CD96: variants seen among roughly 807,000 people sequenced by gnomAD.
CD96 encodes CD96 molecule, also known as T-cell surface protein tactile.
CD96 carries 70 observed loss-of-function variants against 71.3 expected under a neutral mutation model. That is an observed-to-expected ratio of 0.98 (90% CI 0.81 to 1.20). CD96 has a LOEUF of 1.20. Ranked by LOEUF, CD96 falls within the 50% of genes most tolerant of loss-of-function variation. The pLI is 0.00. For missense variants in CD96, 742 were observed against 677.5 expected, an observed-to-expected ratio of 1.10 and a Z score of -1.06; for synonymous variants, 248 against 233.0, an observed-to-expected ratio of 1.06 and a Z score of -0.59.
At chr3:111,576,654 C>A (rs1028360700) in intron 3 of CD96, among the ~76,000 whole-genome samples, 3 of 152,028 alleles carry the variant, frequency 2.0e-5, no homozygotes, top group Non-Finnish European at 2.9e-5. Context: ...AAATTTTTAA[C>A]CTCAATTTAT....
chr3:111,648,363 T>C (rs1021878730), intron 13 of CD96, among the ~76,000 whole-genome samples: 1 of 152,182 alleles, frequency 6.6e-6, no homozygotes, highest in Non-Finnish European at 1.5e-5. Context: ...ACATTAACCA[T>C]TGTGCCATAT....
Position 111,616,124 on chromosome 3 carries a change from C to G in CD96, c.1181-7630C>G, listed in dbSNP as rs538658088. On this transcript the variant is annotated intron_variant, in intron 8 of 13. Transcript: ENST00000352690. ...ATTTTCTCCATAACACATTTTAACA[C>G]CGTCTATAAGTTACCTGTTTGGCTC... is the stretch of plus-strand genomic sequence containing the variant. Among the ~76,000 whole-genome samples, 7 of 152,158 alleles carry G rather than the reference C, an allele frequency of 4.6e-5. 1 individual carries two copies. The South Asian group carries it at 1.5e-3, about 32-fold the overall frequency.
At chr3:111,631,522 A>C (rs867711862) in intron 10 of CD96, among the ~76,000 whole-genome samples, 1 of 152,184 alleles carries the variant, frequency 6.6e-6, no homozygotes, top group Non-Finnish European at 1.5e-5. Flanking sequence ...CATTCCATGC[A>C]CATGGGTAGG....
intron 6 of CD96, among the ~76,000 whole-genome samples, chr3:111,599,158 C>T (rs9817582): frequency 0.11 from 16,962 of 151,768 alleles, 1,315 homozygotes; most frequent in East Asian, 0.28. Flanking sequence ...TTAGATGAGT[C>T]GGGGTTTCAC....
chr3:111,595,685 T>C (rs971190724), intron 5 of CD96, among the ~76,000 whole-genome samples: 4 of 151,452 alleles, frequency 2.6e-5, no homozygotes, highest in Non-Finnish European at 4.4e-5. Flanking sequence ...GCTGAAATAT[T>C]AAATGTATAC....
chr3:111,661,758 G>A (rs139732010), intron 14 of CD96, among the ~76,000 whole-genome samples: 17 of 152,254 alleles, frequency 1.1e-4, no homozygotes, highest in Non-Finnish European at 2.5e-4. Flanking sequence ...ATTCTGCTGA[G>A]TACAGTCCTC....
intron 3 of CD96, chr3:111,570,566 G>T (rs1421742477): frequency 1.5e-5 from 21 of 1,388,184 alleles, no homozygotes; most frequent in Non-Finnish European, 1.3e-5. Context: ...ACATCAGGGG[G>T]CACTAGATCC....
At chr3:111,600,537 T>G (rs1001623095) in intron 6 of CD96, among the ~76,000 whole-genome samples, 189 bp from the exon 7 acceptor site, 2 of 152,198 alleles carry the variant, frequency 1.3e-5, no homozygotes. Flanking sequence ...ATCAATGACA[T>G]GCAGGAGCTT....
At chr3:111,610,847 T>G (rs1279812745) in intron 8 of CD96, among the ~76,000 whole-genome samples, 2 of 152,230 alleles carry the variant, frequency 1.3e-5, no homozygotes, top group African/African-American at 2.4e-5. Flanking sequence ...TGGCTATGAT[T>G]TGGCTAAGAG....
At chr3:111,603,525 T>C (rs547440046) in intron 7 of CD96, among the ~76,000 whole-genome samples, 1 of 152,302 alleles carries the variant, frequency 6.6e-6, no homozygotes, top group East Asian at 1.9e-4. Context: ...TCTGGCAGAT[T>C]TGAAGAGCTG....
chr3:111,642,165 AAAC>A (rs1466794100), intron 12 of CD96, among the ~76,000 whole-genome samples: 1 of 152,242 alleles, frequency 6.6e-6, no homozygotes, highest in Non-Finnish European at 1.5e-5. Flanking sequence ...AATACAATTG[AAAC>A]AACAACAACA....
chr3:111,571,867 T>C (rs547444403), intron 3 of CD96, among the ~76,000 whole-genome samples: 9 of 152,338 alleles, frequency 5.9e-5, no homozygotes, highest in Admixed American at 5.2e-4. Context: ...AGGGTGGTTA[T>C]AGTCTCCCTT....
chr3:111,649,888 C>A lies in CD96; in HGVS notation c.*82C>A. On this transcript the variant is annotated 3_prime_UTR_variant, in exon 14 of 14. Transcript: ENST00000352690. Reference sequence around the variant, plus strand: ...ACATTGTGCTTTATTAATATAGTCGCTCTTCAGCCATGCCTTTGCTGCAGC... The same window carrying A: ...ACATTGTGCTTTATTAATATAGTCGATCTTCAGCCATGCCTTTGCTGCAGC... 1 of 927,160 alleles carries A rather than the reference C, an allele frequency of 1.1e-6. No homozygotes were observed. The highest frequency in any genetic ancestry group is 1.6e-5 in the African/African-American group (1 of 61,996). 57.4% of individuals were successfully genotyped at this position (927,160 alleles called of 1,614,324 possible).
intron 4 of CD96, among the ~76,000 whole-genome samples, chr3:111,584,297 T>G (rs1936603458): frequency 1.3e-5 from 2 of 152,214 alleles, no homozygotes; most frequent in South Asian, 4.1e-4. Flanking sequence ...CCATCAGCAT[T>G]TTTGTCAAAG....
intron 4 of CD96, among the ~76,000 whole-genome samples, chr3:111,584,740 C>G (rs901470548): frequency 6.6e-6 from 1 of 152,174 alleles, no homozygotes; most frequent in Non-Finnish European, 1.5e-5. Flanking sequence ...AATTACCTCT[C>G]GCTGGGTCTC....
intron 8 of CD96, among the ~76,000 whole-genome samples, chr3:111,621,720 G>C (rs1347228741): frequency 1.3e-5 from 2 of 152,174 alleles, no homozygotes; most frequent in Non-Finnish European, 2.9e-5. Context: ...CCCTCCTCTA[G>C]AGGGCGTGGT....
chr3:111,556,923 A>G lies in CD96; in HGVS notation c.419-10600A>G, dbSNP rs377112755. On this transcript the variant is annotated intron_variant, in intron 2 of 13. Transcript: ENST00000352690. ...TAACTGGTGTGAGATGGTATCTCAT[A>G]GTGGTTTTGATTTGCATTTCTCTGA... Among the ~76,000 whole-genome samples the G allele has an allele frequency of 1.8e-3, 223 of 123,060 alleles. 1 individual carries two copies. The highest frequency in any genetic ancestry group is 5.7e-4 in the Non-Finnish European group (34 of 60,110). The allele number at this position is 123,060 out of a possible 152,430, so 80.7% of individuals were successfully genotyped here. A position where few individuals can be genotyped will look rare whatever the true frequency, so the allele number is the denominator to read the frequency against.
intron 8 of CD96, among the ~76,000 whole-genome samples, chr3:111,616,746 T>C (rs1465948589): frequency 1.3e-5 from 2 of 152,030 alleles, no homozygotes; most frequent in Non-Finnish European, 2.9e-5. Flanking sequence ...CCAGCTGTAG[T>C]GAGGGAGGCC....
At chr3:111,563,758 T>C (rs1010032568) in intron 2 of CD96, among the ~76,000 whole-genome samples, 1 of 152,218 alleles carries the variant, frequency 6.6e-6, no homozygotes, top group Non-Finnish European at 1.5e-5. Context: ...GTAACAATTA[T>C]ATATTCTTAG....
Sources: gnomAD v4.1 joint callset for allele counts (sites outside exome capture counted in the v4.1 genomes callset) on GRCh38, gnomAD v4.1.1 for gene constraint, MANE v1.5 for transcripts, NCBI Gene and HGNC (gene_info 2026-07-23, HGNC 2026-07-21) for gene names.